POLI: variants seen among roughly 807,000 people sequenced by gnomAD.
The protein encoded by POLI is RAD30 homolog B.
POLI carries 58 observed loss-of-function variants against 51.6 expected under a neutral mutation model. The observed-to-expected ratio is 1.12, with a 90% CI of 0.91 to 1.40. The LOEUF is 1.40. POLI is among the 40% of genes most tolerant of loss of function. POLI has a pLI of 0.00. For synonymous variants in POLI, 322 were observed against 299.7 expected (o/e 1.07, Z -0.77); for missense variants, 921 against 871.3 (o/e 1.06, Z -0.72).
chr18:54,282,097 T>C (rs964752888), intron 5 of POLI, among the ~76,000 whole-genome samples: 2 of 152,186 alleles, frequency 1.3e-5, no homozygotes, highest in African/African-American at 2.4e-5. Context: ...ATATGACTTA[T>C]GGATAAATGT....
chr18:54,296,854 T>C lies in POLI; in HGVS notation c.*2387T>C, dbSNP rs1451736685. The C allele has an allele frequency of 5.1e-6, 4 of 789,522 alleles. No individual in the cohort carries two copies. The African/African-American group carries it at 7.6e-5, about 15-fold the overall frequency. The allele number at this position is 789,522 out of a possible 1,614,324, so 48.9% of individuals were successfully genotyped here. On this transcript the variant is annotated 3_prime_UTR_variant, in exon 10 of 10. Coordinates refer to ENST00000579534, the MANE Select transcript of POLI (RefSeq NM_007195.3). ...TCCCTTGTAAGTCTGTTTCTAATTTTTAAAAGTCAAATATATGATATTTTT... is the reference window on the plus strand; with the variant it reads ...TCCCTTGTAAGTCTGTTTCTAATTTCTAAAAGTCAAATATATGATATTTTT...
intron 3 of POLI, among the ~76,000 whole-genome samples, chr18:54,315,119 A>G (rs1005599844): frequency 6.6e-6 from 1 of 152,070 alleles, no homozygotes; most frequent in Non-Finnish European, 1.5e-5. Context: ...CTTTACTCTT[A>G]TGACATTGCT....
intron 4 of POLI, among the ~76,000 whole-genome samples, chr18:54,279,458 GT>G (rs930696996): frequency 6.6e-6 from 1 of 151,980 alleles, no homozygotes; most frequent in African/African-American, 2.4e-5. Flanking sequence ...GGCCAGGCTG[GT>G]CTTGAACTCC....
At chr18:54,319,122 A>G (rs1370427296) in intron 3 of POLI, among the ~76,000 whole-genome samples, 4 of 152,202 alleles carry the variant, frequency 2.6e-5, no homozygotes, top group Non-Finnish European at 5.9e-5. Flanking sequence ...TAAGCTAAGT[A>G]TGGCAGAGCT....
intron 3 of POLI, among the ~76,000 whole-genome samples, chr18:54,305,222 T>A (rs1317537111): frequency 6.6e-6 from 1 of 152,230 alleles, no homozygotes; most frequent in Non-Finnish European, 1.5e-5. Flanking sequence ...TTCTTTTTGC[T>A]TAGGATTGTC....
intron 5 of POLI, among the ~76,000 whole-genome samples, chr18:54,282,125 A>G (rs1452708256): frequency 6.6e-6 from 1 of 152,132 alleles, no homozygotes; most frequent in Non-Finnish European, 1.5e-5. Context: ...TGCGTATAGG[A>G]ATCAGTTAGG....
chr18:54,299,032 AT>A (rs1416080265), downstream of POLI, among the ~76,000 whole-genome samples: 1 of 152,212 alleles, frequency 6.6e-6, no homozygotes, highest in Non-Finnish European at 1.5e-5. Context: ...AGTGAAATAC[AT>A]TTAATACATC....
intron 4 of POLI, among the ~76,000 whole-genome samples, chr18:54,280,345 C>G (rs532936868): frequency 2.0e-5 from 3 of 152,240 alleles, no homozygotes; most frequent in Non-Finnish European, 2.9e-5. Flanking sequence ...GGGGAGGTGC[C>G]AGGCTCTTTT....
intron 7 of POLI, among the ~76,000 whole-genome samples, chr18:54,285,711 CA>C (rs1370931172): frequency 1.3e-5 from 2 of 152,034 alleles, no homozygotes; most frequent in Non-Finnish European, 2.9e-5. Context: ...TCTTAATTAG[CA>C]TATCATACTC....
At chr18:54,269,774 G>A in intron 1 of POLI, 113 bp downstream of exon 1, 5 of 1,391,288 alleles carry the variant, frequency 3.6e-6, no homozygotes, top group Non-Finnish European at 4.6e-6. Context: ...GCCCCACTCG[G>A]CTCCTCTAAG....
chr18:54,310,655 T>C (rs2088658190), intron 3 of POLI, among the ~76,000 whole-genome samples: 2 of 152,156 alleles, frequency 1.3e-5, no homozygotes, highest in African/African-American at 4.8e-5. Context: ...TTCTAAGTTG[T>C]ATTTATTATA....
intron 2 of POLI, among the ~76,000 whole-genome samples, chr18:54,272,629 A>G (rs1467215110): frequency 6.7e-6 from 1 of 149,292 alleles, no homozygotes; most frequent in East Asian, 2.0e-4. Context: ...GCGCCACCAT[A>G]CTCGGTTAAT....
chr18:54,291,782 A>C, intron 8 of POLI, 51 bp from the exon 9 acceptor site: 1 of 835,908 alleles, frequency 1.2e-6, no homozygotes, highest in South Asian at 1.8e-5. Flanking sequence ...TATAAAATAT[A>C]TTATGCTCTT....
Position 54,297,909 on chromosome 18 carries a change from T to C in POLI, c.*3442T>C. ...TTGTGTGTCAGATGTTCCTTCTAGG[T>C]AGAATTCTTTATACCTTCTGAAATT... On this transcript the variant is annotated 3_prime_UTR_variant, in exon 10 of 10. Coordinates refer to ENST00000579534, the MANE Select transcript of POLI (RefSeq NM_007195.3). The C allele has an allele frequency of 1.0e-6, 1 of 981,510 alleles. No homozygotes were observed. Among genetic ancestry groups the C allele is most frequent in the Non-Finnish European group, 1.2e-6 (1 of 826,380 alleles). The allele number at this position is 981,510 out of a possible 1,614,324, so 60.8% of individuals were successfully genotyped here. A position where few individuals can be genotyped will look rare whatever the true frequency, so the allele number is the denominator to read the frequency against.
At position 54,297,983 on chromosome 18, in the gene POLI, A is replaced by C; in HGVS notation, c.*3516A>C. 1.0e-6 allele frequency: 1 copy of C among 981,076 alleles called. No homozygotes were observed. Among genetic ancestry groups the C allele is most frequent in the Non-Finnish European group, 1.2e-6 (1 of 825,976 alleles). 60.8% of individuals were successfully genotyped at this position (981,076 alleles called of 1,614,324 possible). ...GAACTGACATCTCTTGAGCTGTTCT[A>C]AGATAATATCTTTTACTTTGGAGAT... On this transcript the variant is annotated 3_prime_UTR_variant, in exon 10 of 10. Coordinates refer to ENST00000579534, the MANE Select transcript of POLI (RefSeq NM_007195.3).
rs371061336 is a variant in POLI, at chr18:54,293,745, G to C, written c.1501G>C (p.Glu501Gln). 4 of 1,606,274 alleles carry C rather than the reference G, an allele frequency of 2.5e-6. No individual in the cohort carries two copies. The highest frequency in any genetic ancestry group is 1.1e-5 in the South Asian group (1 of 89,916). ...SGRIESTRTRESPLDTTNFSK... is the reference protein window; with the variant it reads ...SGRIESTRTRQSPLDTTNFSK... ...AAGAATTGAAAGTACAAGAACTAGG[G>C]AGTCTCCACTAGATACCACAAATTT... Residue 501 changes from glutamate (E) to glutamine (Q), a missense_variant, in exon 10 of 10, where the codon GAG (glutamate) becomes CAG (glutamine). By Grantham distance (29) the Glu-to-Gln change is conservative (BLOSUM62 2). Transcript: ENST00000579534.
At chr18:54,274,676 G>A (rs546330039) in intron 3 of POLI, among the ~76,000 whole-genome samples, 18 of 152,006 alleles carry the variant, frequency 1.2e-4, no homozygotes, top group Non-Finnish European at 2.4e-4. Context: ...GTGTGCACTG[G>A]CACATTGCAA....
At chr18:54,320,370 G>A (rs1264109751) in exon 4 of POLI, 1 of 152,112 alleles carries the variant, frequency 6.6e-6, no homozygotes, top group African/African-American at 2.4e-5. Flanking sequence ...AACACTAAAG[G>A]AGTTTTACTA....
chr18:54,293,665 A>G lies in POLI; in HGVS notation c.1421A>G (p.His474Arg), dbSNP rs3730823. ...GKHSFKMKDT[H>R]MEDFPKDKET... ...GTGTTCTAGAAAATGAAAGACACTCATATGGAAGATTTTCCCAAAGACAAA... is the reference window on the plus strand; with the variant it reads ...GTGTTCTAGAAAATGAAAGACACTCGTATGGAAGATTTTCCCAAAGACAAA... Residue 474 changes from histidine (H) to arginine (R), a missense_variant, in exon 10 of 10, where the codon CAT (histidine) becomes CGT (arginine). Coordinates refer to ENST00000579534, the MANE Select transcript of POLI (RefSeq NM_007195.3). The G allele has an allele frequency of 3.1e-4, 496 of 1,575,466 alleles. 3 individuals carry two copies. In the African/African-American group the frequency reaches 6.3e-3, roughly 20 times the overall value.
Sources: gnomAD v4.1 joint callset for allele counts (sites outside exome capture counted in the v4.1 genomes callset) on GRCh38, gnomAD v4.1.1 for gene constraint, MANE v1.5 for transcripts, NCBI Gene and HGNC (gene_info 2026-07-23, HGNC 2026-07-21) for gene names.